Variants in NOC3L observed in about 807,000 individuals in gnomAD.
NOC3L encodes NOC3 like DNA replication regulator, also known as nucleolar complex protein 3 homolog.
In NOC3L, 85 loss-of-function variants were observed where a neutral mutation model predicts 102.5. The ratio of observed to expected loss-of-function variants is 0.83; its 90% CI spans 0.70 to 0.99. The LOEUF is 0.99. Ranked by LOEUF, NOC3L falls within the 50% of genes least tolerant of loss-of-function variation. The pLI is 0.00. For synonymous variants in NOC3L, 303 were observed against 309.4 expected (o/e 0.98, Z 0.22); for missense variants, 878 against 914.9 (o/e 0.96, Z 0.52).
At chr10:94,350,637 G>C (rs1283089496) in intron 8 of NOC3L, among the ~76,000 whole-genome samples, 1 of 149,596 alleles carries the variant, frequency 6.7e-6, no homozygotes, top group Non-Finnish European at 1.5e-5. Context: ...GGAATCACTT[G>C]AACCTGGGAG....
downstream of NOC3L, chr10:94,332,505 C>CTGTGTGTGTGTGTGTGTGTG (rs10537252): frequency 6.9e-6 from 1 of 145,694 alleles, no homozygotes; most frequent in African/African-American, 2.5e-5. Context: ...ATGTGTGTGC[C>CTGTGTGTGTGTGTGTGTGTG]TGTGTGTGTG....
chr10:94,324,869 TG>T, the NOC3L span: 1 of 1,611,644 alleles, frequency 6.2e-7, no homozygotes, highest in South Asian at 1.1e-5. Flanking sequence ...CTAACACCAA[TG>T]GAAGGTTCTT....
the NOC3L span, chr10:94,321,786 T>C: frequency 1.4e-6 from 1 of 736,686 alleles, no homozygotes; most frequent in Non-Finnish European, 2.3e-6. Flanking sequence ...ATATGAGATA[T>C]TAAGCTAAGA....
At chr10:94,345,004 G>C (rs1397012476) in intron 11 of NOC3L, 71 bp from the exon 12 acceptor site, 3 of 1,040,474 alleles carry the variant, frequency 2.9e-6, no homozygotes, top group Non-Finnish European at 2.9e-6. Flanking sequence ...GGCAGAATAC[G>C]TAAATGTCAT....
At chr10:94,339,289 C>T (rs2054255593) in intron 17 of NOC3L, among the ~76,000 whole-genome samples, 1 of 152,144 alleles carries the variant, frequency 6.6e-6, no homozygotes, top group Non-Finnish European at 1.5e-5. Flanking sequence ...GCATTTATAA[C>T]TGGAAGGCAC....
At position 94,334,659 on chromosome 10, in the gene NOC3L, A is replaced by G. The variant is rs2054196763; in HGVS notation, c.2249T>C (p.Val750Ala). 1.2e-6 allele frequency: 2 copies of G among 1,613,172 alleles called. No homozygotes were observed. The highest frequency in any genetic ancestry group is 1.7e-5 in the Admixed American group (1 of 59,944). ...CTTTATTTTGGGGTTTGAAGATTCA[A>G]CAGGAGGATTGAATGTCATTTCTGC... ...SMAEMTFNPP[V>A]ESSNPKIKGK... The change falls in exon 20 of 21, where the codon GTT (valine) becomes GCT (alanine). Residue 750 changes from valine (V) to alanine (A), a missense_variant. Transcript: ENST00000371361.
chr10:94,344,615 C>G (rs1486291226), intron 12 of NOC3L, 100 bp from the exon 13 acceptor site: 2 of 773,752 alleles, frequency 2.6e-6, no homozygotes, highest in South Asian at 1.8e-5. Flanking sequence ...TTTTCCCTAC[C>G]CATCCCTCCC....
At chr10:94,320,648 C>G in the NOC3L span, among the ~76,000 whole-genome samples, 1 of 152,196 alleles carries the variant, frequency 6.6e-6, no homozygotes, top group East Asian at 1.9e-4. Flanking sequence ...CTGCCAAGAC[C>G]TCACTTGCTG....
the NOC3L span, among the ~76,000 whole-genome samples, chr10:94,321,629 G>GAAA: frequency 9.6e-6 from 1 of 104,660 alleles, no homozygotes; most frequent in Non-Finnish European, 2.0e-5. Flanking sequence ...CTCCATCTCA[G>GAAA]AAAAAAAAAA....
rs1309429502 is a variant in NOC3L, at chr10:94,333,497, T to C, written c.*680A>G. On this transcript the variant is annotated 3_prime_UTR_variant, in exon 21 of 21. Coordinates refer to ENST00000371361, the MANE Select transcript of NOC3L (RefSeq NM_022451.11). ...CTACCCTGGAGCAATTCTTCCCCAGTCACCCTCCAGGGAATGTCAGAAAAC... is the reference window on the plus strand; with the variant it reads ...CTACCCTGGAGCAATTCTTCCCCAGCCACCCTCCAGGGAATGTCAGAAAAC... 6.6e-6 allele frequency: 1 copy of C among 152,162 alleles called. No homozygotes were observed. The highest frequency in any genetic ancestry group is 1.5e-5 in the Non-Finnish European group (1 of 68,026). 9.4% of individuals were successfully genotyped at this position (152,162 alleles called of 1,614,324 possible).
At chr10:94,360,112 T>C (rs1285908153) in intron 2 of NOC3L, among the ~76,000 whole-genome samples, 1 of 151,804 alleles carries the variant, frequency 6.6e-6, no homozygotes, top group Non-Finnish European at 1.5e-5. Context: ...GATCAGGAGA[T>C]CAAGACCATC....
At chr10:94,316,608 A>T in the NOC3L span, 1 of 1,608,768 alleles carries the variant, frequency 6.2e-7, no homozygotes, top group South Asian at 1.1e-5. Context: ...ATGGAAGAAA[A>T]ATATTTTATA....
chr10:94,328,427 A>ACTC (rs535428322), downstream of NOC3L: 1 of 152,816 alleles, frequency 6.5e-6, no homozygotes, highest in Non-Finnish European at 1.5e-5. Flanking sequence ...TGTCACAAAT[A>ACTC]CTCTTGTTTT....
rs763770996 is a variant in NOC3L, at chr10:94,344,838, T to C, written c.1470+15A>G. Reference sequence around the variant, plus strand: ...AACGCATTTTAAAAGCATAACAGAATATGAAACTGCCTACCAGTTTAAGTT... The same window carrying C: ...AACGCATTTTAAAAGCATAACAGAACATGAAACTGCCTACCAGTTTAAGTT... On this transcript the variant is annotated intron_variant, in intron 12 of 20. Coordinates refer to ENST00000371361, the MANE Select transcript of NOC3L (RefSeq NM_022451.11). The C allele has an allele frequency of 3.8e-6, 6 of 1,566,692 alleles. No homozygotes were observed. The highest frequency in any genetic ancestry group is 1.4e-5 in the African/African-American group (1 of 72,954).
intron 13 of NOC3L, among the ~76,000 whole-genome samples, chr10:94,344,098 T>C (rs182912039): frequency 1.3e-5 from 2 of 152,224 alleles, no homozygotes; most frequent in East Asian, 3.9e-4. Flanking sequence ...ATCTGCATGA[T>C]CCACTCAAAC....
rs1449122593 is a variant in NOC3L, at chr10:94,355,109, T to C, written c.566-16A>G. 1 of 1,601,820 alleles carries C rather than the reference T, an allele frequency of 6.2e-7. No individual in the cohort carries two copies. Among genetic ancestry groups the C allele is most frequent in the Non-Finnish European group, 8.5e-7 (1 of 1,173,006 alleles). On this transcript the variant is annotated splice_polypyrimidine_tract_variant and intron_variant, in intron 5 of 20. Coordinates refer to ENST00000371361, the MANE Select transcript of NOC3L (RefSeq NM_022451.11). ...TCAATGATCTCTAAAACAGATTAGA[T>C]GTTCCCTTACATATTCCTCTGCTTA...
At position 94,334,160 on chromosome 10, in the gene NOC3L, C is replaced by G. The variant is rs1008182599; in HGVS notation, c.*17G>C. 1.6e-5 allele frequency: 18 copies of G among 1,121,580 alleles called. No homozygotes were observed. The highest frequency in any genetic ancestry group is 2.4e-5 in the Non-Finnish European group (18 of 742,140). 69.5% of individuals were successfully genotyped at this position (1,121,580 alleles called of 1,614,324 possible). ...ACACACAAATATACAAGAAAGTCCA[C>G]TGACTTCATTCCTCTACTAGTGTAG... On this transcript the variant is annotated 3_prime_UTR_variant, in exon 21 of 21. Coordinates refer to ENST00000371361, the MANE Select transcript of NOC3L (RefSeq NM_022451.11).
In NOC3L at chr10:94,340,501, A is replaced by C; in HGVS notation, c.1645-5T>G. ...ACTTTCTTGATAGCTTAGGTCCTTTAAAAAAAAAAGGGGGGGGTGAGGGGG... is the reference window on the plus strand; with the variant it reads ...ACTTTCTTGATAGCTTAGGTCCTTTCAAAAAAAAAGGGGGGGGTGAGGGGG... On this transcript the variant is annotated splice_polypyrimidine_tract_variant and splice_region_variant and intron_variant, in intron 14 of 20. Transcript: ENST00000371361. 1 of 739,552 alleles carries C rather than the reference A, an allele frequency of 1.4e-6. No individual in the cohort carries two copies. The allele number at this position is 739,552 out of a possible 1,614,324, so 45.8% of individuals were successfully genotyped here.
the NOC3L span, among the ~76,000 whole-genome samples, chr10:94,319,021 C>G: frequency 2.6e-5 from 4 of 152,136 alleles, no homozygotes; most frequent in African/African-American, 9.7e-5. Flanking sequence ...GTGTTCCAGC[C>G]TGGGTGACAG....
Sources: allele counts gnomAD v4.1 joint callset (sites outside exome capture counted in the v4.1 genomes callset), GRCh38; gene constraint gnomAD v4.1.1; transcripts MANE v1.5; gene names NCBI Gene and HGNC (gene_info 2026-07-23, HGNC 2026-07-21).